The following DEAF1 variants were observed in gnomAD, a reference collection of about 807,000 sequenced individuals.
The protein encoded by DEAF1 is deformed epidermal autoregulatory factor 1 homolog.
DEAF1 carries 53 observed loss-of-function variants against 58.9 expected under a neutral mutation model. The ratio of observed to expected loss-of-function variants is 0.90; its 90% CI spans 0.72 to 1.13. DEAF1 has a LOEUF of 1.13. Ranked by LOEUF, DEAF1 falls within the 50% of genes most tolerant of loss-of-function variation. The probability of loss-of-function intolerance (pLI) is 0.00; values close to 1 mark genes in which losing one functional copy is unlikely to be tolerated. For synonymous variants in DEAF1, 385 were observed against 340.4 expected (o/e 1.13, Z -1.44); for missense variants, 685 against 791.4 (o/e 0.87, Z 1.61).
chr11:688,252 G>C lies in DEAF1; in HGVS notation c.517+79C>G. ...CCAAATTTACCACAAAAAGAAACAAGTAAATAAATCCCTGAAATAAATTCT... is the reference window on the plus strand; with the variant it reads ...CCAAATTTACCACAAAAAGAAACAACTAAATAAATCCCTGAAATAAATTCT... On this transcript the variant is annotated intron_variant, in intron 3 of 11. Coordinates refer to ENST00000382409, the MANE Select transcript of DEAF1 (RefSeq NM_021008.4). This position sits in a 1 kb window ranked among gnomAD's most constrained non-coding sequence, Gnocchi z 4.3. 1 of 1,567,384 alleles carries C rather than the reference G, an allele frequency of 6.4e-7. No individual in the cohort carries two copies. The highest frequency in any genetic ancestry group is 8.7e-7 in the Non-Finnish European group (1 of 1,154,692).
At position 679,812 on chromosome 11, in the gene DEAF1, G is replaced by A. The variant is rs373301459; in HGVS notation, c.1002C>T (p.Thr334=). 9.3e-6 allele frequency: 15 copies of A among 1,613,342 alleles called. No homozygotes were observed. The highest frequency in any genetic ancestry group is 3.3e-5 in the Admixed American group (2 of 60,008). Residue 334 remains threonine, a synonymous_variant, in exon 8 of 12, where the codon ACC becomes ACT. Transcript: ENST00000382409. The part of the protein sequence containing the change: ...LLPATAATTF[T]VTPSGQITTS... ...TCGTGATCTGTCCCGAGGGGGTCAC[G>A]GTGACTGGAAAGGCAGAAGCACATT... is the stretch of plus-strand genomic sequence containing the variant.
At chr11:675,090 C>T (rs566809077) in intron 9 of DEAF1, among the ~76,000 whole-genome samples, 62 of 152,190 alleles carry the variant, frequency 4.1e-4, no homozygotes, top group African/African-American at 1.4e-3. Flanking sequence ...GAGGCTGAGG[C>T]AGGAGAAAGG....
At chr11:655,435 T>C (rs1272900364) in intron 10 of DEAF1, among the ~76,000 whole-genome samples, 1 of 152,274 alleles carries the variant, frequency 6.6e-6, no homozygotes, top group Non-Finnish European at 1.5e-5. Context: ...TGCTTGACAG[T>C]TGTGAGCTCC....
chr11:651,828 G>A (rs978500746), intron 11 of DEAF1, among the ~76,000 whole-genome samples: 3 of 152,260 alleles, frequency 2.0e-5, no homozygotes, highest in African/African-American at 7.2e-5. Flanking sequence ...GGAGCTTGCG[G>A]TGAGCTGAGA....
chr11:652,048 GAGCAGAATATACA>G (rs1347163873), intron 11 of DEAF1, among the ~76,000 whole-genome samples: 1 of 152,166 alleles, frequency 6.6e-6, no homozygotes, highest in African/African-American at 2.4e-5. Context: ...CCACCCAACA[GAGCAGAATATACA>G]AGCAACACTC....
intron 6 of DEAF1, among the ~76,000 whole-genome samples, chr11:683,793 C>G (rs1860471674): frequency 6.6e-6 from 1 of 152,176 alleles, no homozygotes; most frequent in South Asian, 2.1e-4. Flanking sequence ...TCCCTGGTCT[C>G]TCTCTTCAGC....
intron 1 of DEAF1, 80 bp from the exon 2 acceptor site, chr11:691,678 A>C: frequency 8.2e-7 from 1 of 1,221,072 alleles, no homozygotes; most frequent in Non-Finnish European, 1.2e-6. Context: ...GGTGCTTCAA[A>C]CAAAGTGACT....
rs760007246 is a variant in DEAF1, at chr11:688,419, G to A, written c.429C>T (p.Thr143=). Residue 143 remains threonine, a synonymous_variant, in exon 3 of 12, where the codon ACC becomes ACT. Coordinates refer to ENST00000382409, the MANE Select transcript of DEAF1 (RefSeq NM_021008.4). This position sits in a 1 kb window ranked among gnomAD's most constrained non-coding sequence, Gnocchi z 4.3. ...GGACGACAATCAGTGTCGCTTTTTC[G>A]GTGTTCAGGCTGTCCCCGATCTGAA... ...TALQIGDSLN[T]EKATLIVVHT... 96 of 1,613,722 alleles carry A rather than the reference G, an allele frequency of 5.9e-5. No individual in the cohort carries two copies. The highest frequency in any genetic ancestry group is 6.7e-5 in the Non-Finnish European group (79 of 1,180,034).
intron 1 of DEAF1, chr11:706,121 C>G (rs934753635): frequency 6.6e-6 from 1 of 151,830 alleles, no homozygotes; most frequent in South Asian, 2.0e-4. Flanking sequence ...TCTCGGGTGA[C>G]TCCGCAACCT....
intron 1 of DEAF1, chr11:705,604 G>C (rs1454676153): frequency 1.3e-5 from 2 of 152,846 alleles, no homozygotes; most frequent in Non-Finnish European, 2.9e-5. Flanking sequence ...TGTGAACTCA[G>C]GGCTCCAGGC....
chr11:705,079 AG>A, intron 1 of DEAF1: 1 of 211,058 alleles, frequency 4.7e-6, no homozygotes, highest in Non-Finnish European at 9.7e-6. Flanking sequence ...CCGAAGGAGG[AG>A]GGCCACTTCC....
upstream of DEAF1, among the ~76,000 whole-genome samples, chr11:696,908 C>T (rs929845215): frequency 3.3e-5 from 5 of 151,920 alleles, no homozygotes; most frequent in African/African-American, 1.2e-4. Flanking sequence ...GGAGAAACCC[C>T]GTCTCTACTA....
chr11:671,261 G>GC (rs1859814219), intron 10 of DEAF1, among the ~76,000 whole-genome samples: 1 of 142,408 alleles, frequency 7.0e-6, no homozygotes, highest in African/African-American at 2.6e-5. Flanking sequence ...TTGCTCTGTC[G>GC]CCAGACTGGA....
chr11:647,330 T>C (rs575287605), intron 11 of DEAF1, among the ~76,000 whole-genome samples: 15 of 152,138 alleles, frequency 9.9e-5, no homozygotes, highest in African/African-American at 3.6e-4. Flanking sequence ...GGCGGGTGCC[T>C]GTAATCCCCA....
chr11:679,877 C>T (rs1435197547), intron 7 of DEAF1, 61 bp from the exon 8 acceptor site: 40 of 1,604,586 alleles, frequency 2.5e-5, no homozygotes, highest in African/African-American at 5.3e-5. Flanking sequence ...ACACAGGTCC[C>T]GTGCCACCCA....
At position 694,886 on chromosome 11, in the gene DEAF1, C is replaced by T; in HGVS notation, c.162G>A (p.Ser54=). The part of the protein sequence containing the change: ...RDEDSEEDAD[S]EAERETPRVT... ...CCCGCGGCGTCTCCCGCTCCGCCTC[C>T]GAGTCTGCGTCCTCCTCCGAGTCCT... Residue 54 remains serine (S), a synonymous_variant, in exon 1 of 12, where the codon TCG becomes TCA. Transcript: ENST00000382409. The T allele has an allele frequency of 6.7e-7, 1 of 1,499,830 alleles. No individual in the cohort carries two copies. The highest frequency in any genetic ancestry group is 8.9e-7 in the Non-Finnish European group (1 of 1,128,802). 92.9% of individuals were successfully genotyped at this position (1,499,830 alleles called of 1,614,324 possible).
chr11:702,416 C>T (rs1045501661), intron 1 of DEAF1, among the ~76,000 whole-genome samples: 1 of 152,228 alleles, frequency 6.6e-6, no homozygotes, highest in African/African-American at 2.4e-5. Flanking sequence ...GGCTGCTAGG[C>T]CAACGGGACC....
rs1459610043 is a variant in DEAF1 at position 695,011 on chromosome 11, G to A, written c.37C>T (p.Leu13=). The A allele has an allele frequency of 4.5e-6, 6 of 1,333,380 alleles. No individual in the cohort carries two copies. The highest frequency in any genetic ancestry group is 5.8e-6 in the Non-Finnish European group (6 of 1,036,068). The allele number at this position is 1,333,380 out of a possible 1,614,324, so 82.6% of individuals were successfully genotyped here. The part of the protein sequence containing the change: ...DSDSAAKQLG[L]AEAAAVAAAA... ...GCCGCCACCGCCGCCGCCTCAGCCAGGCCCAGCTGCTTTGCCGCCGAGTCC... is the reference window on the plus strand; with the variant it reads ...GCCGCCACCGCCGCCGCCTCAGCCAAGCCCAGCTGCTTTGCCGCCGAGTCC... Residue 13 remains leucine, a synonymous_variant, in exon 1 of 12, where the codon CTG becomes TTG. Coordinates refer to ENST00000382409, the MANE Select transcript of DEAF1 (RefSeq NM_021008.4).
At chr11:698,731 C>T (rs945668374), upstream of DEAF1, 63 of 988,348 alleles carry the variant, frequency 6.4e-5, no homozygotes, top group South Asian at 1.1e-4. Context: ...GGCAGGCCCA[C>T]GGTATATGTT....
Sources: gnomAD v4.1 joint callset for allele counts (sites outside exome capture counted in the v4.1 genomes callset) on GRCh38, gnomAD v4.1.1 for gene constraint, Gnocchi (gnomAD v3.1) non-coding constraint, MANE v1.5 for transcripts, NCBI Gene and HGNC (gene_info 2026-07-23, HGNC 2026-07-21) for gene names.